GALNT17: variants seen among roughly 807,000 people sequenced by gnomAD.
GALNT17 encodes the protein UDP-GalNAc:polypeptide N-acetylgalactosaminyltransferase-like 3.
A neutral mutation model predicts 63.7 loss-of-function variants in GALNT17; 29 were observed. The ratio of observed to expected loss-of-function variants is 0.46; its 90% CI spans 0.34 to 0.62. GALNT17 has a LOEUF of 0.62. Ranked by LOEUF, GALNT17 falls within the 20% of genes least tolerant of loss-of-function variation. The probability of loss-of-function intolerance (pLI) is 0.01; values close to 1 mark genes in which losing one functional copy is unlikely to be tolerated. For missense variants in GALNT17, 603 were observed against 799.6 expected, an observed-to-expected ratio of 0.75 and a Z score of 2.97; for synonymous variants, 305 against 318.3, an observed-to-expected ratio of 0.96 and a Z score of 0.45.
intron 1 of GALNT17, among the ~76,000 whole-genome samples, chr7:71,304,951 G>A (rs1382058025): frequency 6.6e-6 from 1 of 151,810 alleles, no homozygotes; most frequent in Non-Finnish European, 1.5e-5. Flanking sequence ...CACCATGTTG[G>A]CCATGGCTGG....
At chr7:71,405,897 C>T (rs991994541) in intron 3 of GALNT17, among the ~76,000 whole-genome samples, 6 of 152,212 alleles carry the variant, frequency 3.9e-5, no homozygotes, top group African/African-American at 1.4e-4. Flanking sequence ...AGCACACGCT[C>T]TGTGCTTCCG....
At chr7:71,592,578 A>ATAAAATAAAATAAAATAC (rs1789825545) in intron 6 of GALNT17, among the ~76,000 whole-genome samples, 2 of 128,010 alleles carry the variant, frequency 1.6e-5, no homozygotes, top group Admixed American at 1.7e-4. Context: ...ATAAAATAAA[A>ATAAAATAAAATAAAATAC]TAAAATAAAA....
chr7:71,606,885 T>C (rs1283510805), intron 6 of GALNT17, among the ~76,000 whole-genome samples: 1 of 152,216 alleles, frequency 6.6e-6, no homozygotes, highest in Non-Finnish European at 1.5e-5. Flanking sequence ...GCGGTATGAA[T>C]GCAGTGTACA....
At chr7:71,463,196 C>G (rs1352945620) in intron 5 of GALNT17, among the ~76,000 whole-genome samples, 1 of 152,128 alleles carries the variant, frequency 6.6e-6, no homozygotes, top group Non-Finnish European at 1.5e-5. Flanking sequence ...GGTCTTAAAA[C>G]TGGTTGCTAG....
intron 9 of GALNT17, among the ~76,000 whole-genome samples, chr7:71,679,285 C>T (rs573677226): frequency 3.2e-4 from 49 of 152,136 alleles, no homozygotes; most frequent in African/African-American, 9.2e-4. Flanking sequence ...TGGTGGCACA[C>T]GACTCAGGAA....
At chr7:71,179,835 C>T (rs780541353) in intron 1 of GALNT17, among the ~76,000 whole-genome samples, 1 of 152,188 alleles carries the variant, frequency 6.6e-6, no homozygotes, top group African/African-American at 2.4e-5. Context: ...AAGGATACTC[C>T]TGTCTACTTT....
chr7:71,361,027 C>G (rs1446701772), intron 2 of GALNT17, among the ~76,000 whole-genome samples: 1 of 152,148 alleles, frequency 6.6e-6, no homozygotes, highest in East Asian at 1.9e-4. Context: ...ACTTATTTGA[C>G]TAGCTACTTA....
In GALNT17 at chr7:71,597,639, C is replaced by T. The variant is rs1374616567; in HGVS notation, c.1080+26237C>T. ...ACAGGAAGGGCAGCTGGCCTAGAGG[C>T]GTTACAGTGATGGAGGGTTGTCAGC... is the stretch of plus-strand genomic sequence containing the variant. On this transcript the variant is annotated intron_variant, in intron 6 of 10. Coordinates refer to ENST00000333538, the MANE Select transcript of GALNT17 (RefSeq NM_022479.3). Among the ~76,000 whole-genome samples the T allele has an allele frequency of 7.9e-5, 12 of 152,134 alleles. No homozygotes were observed. The South Asian group carries it at 8.3e-4, about 11-fold the overall frequency.
intron 1 of GALNT17, among the ~76,000 whole-genome samples, chr7:71,328,929 T>A (rs557201135): frequency 2.0e-5 from 3 of 151,634 alleles, no homozygotes; most frequent in South Asian, 4.2e-4. Context: ...ATAAAAAAAA[T>A]TCTCCTTCTG....
chr7:71,449,603 T>C (rs1787222471), intron 5 of GALNT17, among the ~76,000 whole-genome samples: 1 of 152,226 alleles, frequency 6.6e-6, no homozygotes, highest in Admixed American at 6.5e-5. Context: ...CTGTTTTAAA[T>C]AGACATCAGA....
intron 6 of GALNT17, among the ~76,000 whole-genome samples, chr7:71,604,191 C>T (rs919234154): frequency 8.3e-6 from 1 of 120,330 alleles, no homozygotes; most frequent in African/African-American, 2.7e-5. Context: ...AGATACTATG[C>T]TTAGTGCATA....
chr7:71,318,647 C>T (rs1317692910), intron 1 of GALNT17, among the ~76,000 whole-genome samples: 1 of 151,972 alleles, frequency 6.6e-6, no homozygotes, highest in African/African-American at 2.4e-5. Flanking sequence ...CCAGGATGGT[C>T]TCAATCTCTT....
chr7:71,246,720 T>C lies in GALNT17; in HGVS notation c.239-88830T>C, dbSNP rs1452843181. Among the ~76,000 whole-genome samples, 4 of 151,836 alleles carry C rather than the reference T, an allele frequency of 2.6e-5. No homozygotes were observed. The South Asian group carries it at 8.4e-4, about 32-fold the overall frequency. ...GGCGGGCGCCTGTAGTCCCAGCTAC[T>C]TGGGAGGCTGAGGCAGGAGAATGGG... On this transcript the variant is annotated intron_variant, in intron 1 of 10. Coordinates refer to ENST00000333538, the MANE Select transcript of GALNT17 (RefSeq NM_022479.3).
intron 6 of GALNT17, among the ~76,000 whole-genome samples, chr7:71,658,902 C>T (rs1790867359): frequency 6.6e-6 from 1 of 151,702 alleles, no homozygotes; most frequent in Non-Finnish European, 1.5e-5. Context: ...AAAAAAAAAT[C>T]CCTCAAATCT....
At chr7:71,458,130 G>A (rs1239451984) in intron 5 of GALNT17, among the ~76,000 whole-genome samples, 1 of 152,138 alleles carries the variant, frequency 6.6e-6, no homozygotes, top group Admixed American at 6.5e-5. Flanking sequence ...CAGGCAGCAG[G>A]CTTGGCCAGT....
intron 6 of GALNT17, among the ~76,000 whole-genome samples, chr7:71,603,494 T>C (rs1236842366): frequency 6.6e-6 from 1 of 152,154 alleles, no homozygotes; most frequent in East Asian, 1.9e-4. Context: ...GATGCCATGC[T>C]GAGTGCATAC....
At chr7:71,244,689 G>A (rs1021947885) in intron 1 of GALNT17, among the ~76,000 whole-genome samples, 2 of 152,178 alleles carry the variant, frequency 1.3e-5, no homozygotes, top group African/African-American at 4.8e-5. Context: ...AGTTGCCCAG[G>A]TGCGGTGGCT....
intron 5 of GALNT17, among the ~76,000 whole-genome samples, chr7:71,548,901 A>G (rs1365090350): frequency 1.3e-5 from 2 of 152,194 alleles, no homozygotes; most frequent in African/African-American, 4.8e-5. Context: ...TTATCAATGA[A>G]TCAGCCTCCA....
At chr7:71,258,335 G>A (rs554778211) in intron 1 of GALNT17, among the ~76,000 whole-genome samples, 1 of 152,344 alleles carries the variant, frequency 6.6e-6, no homozygotes, top group South Asian at 2.1e-4. Context: ...GGTCAAGAGT[G>A]AACTCTTCAT....
Sources: gnomAD v4.1 joint callset for allele counts (sites outside exome capture counted in the v4.1 genomes callset) on GRCh38, gnomAD v4.1.1 for gene constraint, MANE v1.5 for transcripts, NCBI Gene and HGNC (gene_info 2026-07-23, HGNC 2026-07-21) for gene names.